The following OPCML variants were observed in gnomAD, a reference collection of about 807,000 sequenced individuals.
OPCML encodes opioid-binding protein/cell adhesion molecule.
Under a neutral mutation model 37.8 loss-of-function variants are expected in OPCML, and 13 were observed. That is an observed-to-expected ratio of 0.34 (90% CI 0.22 to 0.55). The LOEUF is 0.55. Among genes scored for constraint, OPCML ranks in the 20% least tolerant of loss-of-function variants. OPCML has a pLI of 0.91. For synonymous variants in OPCML, 176 were observed against 168.8 expected (o/e 1.04, Z -0.33); for missense variants, 341 against 435.6 (o/e 0.78, Z 1.93).
chr11:133,373,370 C>T (rs1399457950), intron 1 of OPCML, among the ~76,000 whole-genome samples: 2 of 149,230 alleles, frequency 1.3e-5, no homozygotes, highest in Non-Finnish European at 1.5e-5. Context: ...TGAGACCAGC[C>T]TGGGCAATGC....
chr11:132,896,258 G>C (rs1349193536), intron 2 of OPCML, among the ~76,000 whole-genome samples: 2 of 152,192 alleles, frequency 1.3e-5, no homozygotes, highest in Admixed American at 1.3e-4. Context: ...GACACACCAG[G>C]AGGGTCCAGA....
chr11:133,208,771 T>C lies in OPCML; in HGVS notation c.62-265761A>G, dbSNP rs553440850. On this transcript the variant is annotated intron_variant, in intron 1 of 7. Transcript: ENST00000524381. The surrounding 1 kb of genome is among the most constrained non-coding windows in gnomAD (Gnocchi z 8.9). ...GTTATCTAAAGCAATGGCCCTTCTC[T>C]AGGACCAAAGGGATACACCAAGTGC... 5.7e-4 allele frequency among the ~76,000 whole-genome samples: 87 copies of C among 152,294 alleles called. No homozygotes were observed. Among genetic ancestry groups the C allele is most frequent in the African/African-American group, 1.9e-3 (80 of 41,564 alleles).
intron 2 of OPCML, among the ~76,000 whole-genome samples, chr11:132,698,552 G>A (rs1239275244): frequency 6.6e-6 from 1 of 151,990 alleles, no homozygotes; most frequent in East Asian, 1.9e-4. Flanking sequence ...TCAGATATAT[G>A]GTTTGCAAAT....
At chr11:133,215,685 T>C (rs1422808742) in intron 1 of OPCML, among the ~76,000 whole-genome samples, 1 of 152,054 alleles carries the variant, frequency 6.6e-6, no homozygotes, top group Non-Finnish European at 1.5e-5. Flanking sequence ...AACGTCTACT[T>C]TGATGCCCCG....
intron 3 of OPCML, among the ~76,000 whole-genome samples, chr11:132,571,861 C>A (rs374193995): frequency 2.0e-5 from 3 of 152,234 alleles, no homozygotes; most frequent in African/African-American, 7.2e-5. Flanking sequence ...TTTTTCATAG[C>A]AGCTGTACCA....
intron 2 of OPCML, among the ~76,000 whole-genome samples, chr11:132,750,701 G>A (rs1227471602): frequency 6.6e-6 from 1 of 151,800 alleles, no homozygotes; most frequent in Non-Finnish European, 1.5e-5. Context: ...AATGAAAAAA[G>A]AAAATAAGAG....
At chr11:132,506,963 G>A (rs183913095) in intron 4 of OPCML, among the ~76,000 whole-genome samples, 153 of 152,014 alleles carry the variant, frequency 1.0e-3, no homozygotes, top group African/African-American at 3.6e-3. Flanking sequence ...TTTCTGCTCT[G>A]TTTACAAAAG....
chr11:132,775,630 C>T (rs1198309438), intron 2 of OPCML, among the ~76,000 whole-genome samples: 2 of 152,144 alleles, frequency 1.3e-5, no homozygotes, highest in Non-Finnish European at 1.5e-5. Context: ...GCAATGATGT[C>T]CTCCCACTGA....
intron 1 of OPCML, among the ~76,000 whole-genome samples, chr11:133,327,750 T>C (rs948410339): frequency 1.3e-4 from 20 of 152,300 alleles, no homozygotes; most frequent in Admixed American, 5.9e-4. Context: ...ATAGAATGAC[T>C]GTTCAATGTT....
chr11:132,721,689 T>A (rs1030288522), intron 2 of OPCML, among the ~76,000 whole-genome samples: 5 of 152,116 alleles, frequency 3.3e-5, no homozygotes, highest in African/African-American at 1.2e-4. Context: ...CTGAGATGAC[T>A]ATAGGTAGTC....
intron 2 of OPCML, among the ~76,000 whole-genome samples, chr11:132,779,335 G>A (rs1001159336): frequency 6.6e-6 from 1 of 152,048 alleles, no homozygotes; most frequent in African/African-American, 2.4e-5. Context: ...TCTGAAGACA[G>A]TTTCTCTATA....
At chr11:133,230,845 A>G (rs1161276471) in intron 1 of OPCML, among the ~76,000 whole-genome samples, 1 of 152,154 alleles carries the variant, frequency 6.6e-6, no homozygotes, top group East Asian at 1.9e-4. Context: ...CAGATCTGGC[A>G]CTAGTATCCC....
At chr11:132,588,200 G>C (rs2096477174) in intron 3 of OPCML, among the ~76,000 whole-genome samples, 1 of 152,046 alleles carries the variant, frequency 6.6e-6, no homozygotes, top group African/African-American at 2.4e-5. Flanking sequence ...ACTATGTTTG[G>C]GATCTGGTGG....
At chr11:132,896,452 G>A (rs758129303) in intron 2 of OPCML, among the ~76,000 whole-genome samples, 6 of 152,138 alleles carry the variant, frequency 3.9e-5, no homozygotes, top group Non-Finnish European at 5.9e-5. Context: ...ACCAAGTGAC[G>A]GCACTCAACC....
intron 4 of OPCML, among the ~76,000 whole-genome samples, chr11:132,476,532 C>T (rs2096156469): frequency 6.6e-6 from 1 of 152,128 alleles, no homozygotes; most frequent in Non-Finnish European, 1.5e-5. Flanking sequence ...GAGTTCATGT[C>T]CTTTGTAGGG....
At chr11:133,183,478 T>A (rs1432822599) in intron 1 of OPCML, among the ~76,000 whole-genome samples, 1 of 152,238 alleles carries the variant, frequency 6.6e-6, no homozygotes, top group African/African-American at 2.4e-5. Flanking sequence ...CTAGTATTAC[T>A]GAATGACTGT....
intron 1 of OPCML, among the ~76,000 whole-genome samples, chr11:133,059,512 C>A (rs1591961655): frequency 1.3e-5 from 2 of 152,334 alleles, no homozygotes; most frequent in South Asian, 4.1e-4. Context: ...GTAGTCACTG[C>A]ACTCTTCACC....
chr11:133,203,748 G>C, intron 1 of OPCML, among the ~76,000 whole-genome samples: 1 of 152,098 alleles, frequency 6.6e-6, no homozygotes, highest in East Asian at 1.9e-4. Context: ...TCTATTCATT[G>C]CAGAATAATT....
At chr11:133,146,832 C>T (rs1289250607) in intron 1 of OPCML, among the ~76,000 whole-genome samples, 1 of 152,216 alleles carries the variant, frequency 6.6e-6, no homozygotes, top group Non-Finnish European at 1.5e-5. Context: ...AGTAACATGA[C>T]AGGGCTAGAG....
Sources: allele counts gnomAD v4.1 joint callset (sites outside exome capture counted in the v4.1 genomes callset), GRCh38; gene constraint gnomAD v4.1.1; non-coding constraint Gnocchi (gnomAD v3.1); transcripts MANE v1.5; gene names NCBI Gene and HGNC (gene_info 2026-07-23, HGNC 2026-07-21).